POR: variants seen among roughly 807,000 people sequenced by gnomAD.
The protein encoded by POR is cytochrome p450 oxidoreductase.
In POR, 56 loss-of-function variants were observed where a neutral mutation model predicts 84.0. The ratio of observed to expected loss-of-function variants is 0.67; its 90% confidence interval spans 0.54 to 0.83. The LOEUF (loss-of-function observed/expected upper bound fraction) is 0.83. POR is among the 40% of genes least tolerant of loss of function. POR has a pLI of 0.00. For synonymous variants in POR, 414 were observed against 400.5 expected, an observed-to-expected ratio of 1.03 and a Z score of -0.40; for missense variants, 938 against 944.3, an observed-to-expected ratio of 0.99 and a Z score of 0.09.
intron 1 of POR, among the ~76,000 whole-genome samples, chr7:75,944,586 C>T (rs1218868653): frequency 1.3e-5 from 2 of 151,782 alleles, no homozygotes; most frequent in African/African-American, 2.4e-5. Context: ...CCAGAATGCC[C>T]AGAATACAAT....
intron 1 of POR, among the ~76,000 whole-genome samples, chr7:75,948,982 T>C (rs782528331): frequency 2.0e-5 from 3 of 152,006 alleles, no homozygotes; most frequent in East Asian, 1.9e-4. Flanking sequence ...TTGCAAATAA[T>C]GAGATGGCCA....
At chr7:75,940,230 C>T (rs1006040197) in intron 1 of POR, among the ~76,000 whole-genome samples, 11 of 151,822 alleles carry the variant, frequency 7.2e-5, no homozygotes, top group Admixed American at 3.3e-4. Context: ...ATTACAGGCA[C>T]GCACCACCAC....
intron 1 of POR, among the ~76,000 whole-genome samples, chr7:75,932,021 TC>T (rs1240492965): frequency 6.6e-6 from 1 of 152,178 alleles, no homozygotes; most frequent in African/African-American, 2.4e-5. Flanking sequence ...GTGGAATTGC[TC>T]CCGTCTCTTC....
chr7:75,977,517 C>T (rs904676936), intron 3 of POR, among the ~76,000 whole-genome samples: 10 of 152,194 alleles, frequency 6.6e-5, no homozygotes, highest in Admixed American at 1.3e-4. Context: ...GGCTCACGCC[C>T]GTAATCCCAG....
At chr7:75,977,271 G>T (rs1192158926) in intron 3 of POR, among the ~76,000 whole-genome samples, 1 of 152,224 alleles carries the variant, frequency 6.6e-6, no homozygotes, top group Non-Finnish European at 1.5e-5. Context: ...TACTGGAGGG[G>T]CTGAAGGAGC....
chr7:75,922,841 A>G (rs1381490157), intron 1 of POR: 70 of 552,554 alleles, frequency 1.3e-4, no homozygotes, highest in Middle Eastern at 1.1e-3. Flanking sequence ...AAAGCCACCC[A>G]GTCAAAGTAG....
intron 1 of POR, among the ~76,000 whole-genome samples, chr7:75,916,462 C>G (rs1554548075): frequency 6.7e-6 from 1 of 150,218 alleles, no homozygotes; most frequent in Non-Finnish European, 1.5e-5. Flanking sequence ...ACCAGGGAAC[C>G]CAGAAAGGTC....
chr7:75,938,400 G>A (rs1454588955), intron 1 of POR, among the ~76,000 whole-genome samples: 3 of 152,118 alleles, frequency 2.0e-5, no homozygotes, highest in African/African-American at 7.2e-5. Context: ...CTTCCCCAGG[G>A]CCAAACACCT....
Position 75,941,282 on chromosome 7 carries a change from C to T in POR, c.-4-12707C>T, listed in dbSNP as rs895664439. 3.3e-5 allele frequency among the ~76,000 whole-genome samples: 5 copies of T among 152,302 alleles called. No homozygotes were observed. In the South Asian group the frequency reaches 6.2e-4, roughly 19 times the overall value. On this transcript the variant is annotated intron_variant, in intron 1 of 15. Coordinates refer to ENST00000461988, the MANE Select transcript of POR (RefSeq NM_000941.3). ...GCCCTAAGTATGTTGTACAATGACA[C>T]GATGGCCGAGTAGTCTACAAAAGGA...
At chr7:75,944,915 A>G (rs576600133) in intron 1 of POR, among the ~76,000 whole-genome samples, 30 of 152,294 alleles carry the variant, frequency 2.0e-4, no homozygotes, top group African/African-American at 7.0e-4. Flanking sequence ...TTGTGGGACT[A>G]ATAACAAAAG....
chr7:75,974,329 A>G (rs1265247129), intron 3 of POR, among the ~76,000 whole-genome samples: 3 of 152,092 alleles, frequency 2.0e-5, no homozygotes, highest in African/African-American at 7.2e-5. Flanking sequence ...CACGCGCTCA[A>G]GAATAGCGAC....
intron 1 of POR, among the ~76,000 whole-genome samples, chr7:75,936,784 A>C (rs1554550864): frequency 6.6e-6 from 1 of 151,776 alleles, no homozygotes; most frequent in Non-Finnish European, 1.5e-5. Context: ...TGAGAAAAGT[A>C]AAGCAAGACC....
intron 1 of POR, among the ~76,000 whole-genome samples, chr7:75,916,520 C>T (rs1378915638): frequency 6.6e-6 from 1 of 152,040 alleles, no homozygotes; most frequent in Admixed American, 6.6e-5. Context: ...TTCTTATTTT[C>T]CTTTTAAGAG....
chr7:75,977,492 G>A (rs938306348), intron 3 of POR, among the ~76,000 whole-genome samples: 6 of 152,174 alleles, frequency 3.9e-5, no homozygotes, highest in Non-Finnish European at 2.9e-5. Flanking sequence ...AATACCTCAG[G>A]TGGCTGGGTG....
At chr7:75,984,687 C>A in intron 10 of POR, 90 bp from the exon 11 acceptor site, 1 of 1,154,052 alleles carries the variant, frequency 8.7e-7, no homozygotes, top group Non-Finnish European at 1.3e-6. Context: ...TGCCGCAGAG[C>A]TGGCCCAAGG....
chr7:75,940,015 T>G (rs1449341059), intron 1 of POR, among the ~76,000 whole-genome samples: 1 of 152,058 alleles, frequency 6.6e-6, no homozygotes, highest in Non-Finnish European at 1.5e-5. Context: ...ATCTCCTGCC[T>G]TACCTCCCAA....
At chr7:75,956,729 G>GTTT (rs200737243) in intron 2 of POR, among the ~76,000 whole-genome samples, 1 of 146,976 alleles carries the variant, frequency 6.8e-6, no homozygotes, top group Non-Finnish European at 1.5e-5. Flanking sequence ...TTGCAACATA[G>GTTT]TTTTTTTTTT....
chr7:75,984,715 G>A (rs946486706), intron 10 of POR, 62 bp from the exon 11 acceptor site: 33 of 1,489,892 alleles, frequency 2.2e-5, no homozygotes, highest in African/African-American at 2.7e-5. Flanking sequence ...CCCTCCTGCC[G>A]CAGCCACCCA....
At chr7:75,954,261 C>A in intron 2 of POR, 81 bp downstream of exon 2, 1 of 1,400,888 alleles carries the variant, frequency 7.1e-7, no homozygotes, top group Non-Finnish European at 9.8e-7. Context: ...GGGCCTCAGG[C>A]TGAAAGAAGC....
Sources: allele counts gnomAD v4.1 joint callset (sites outside exome capture counted in the v4.1 genomes callset), GRCh38; gene constraint gnomAD v4.1.1; transcripts MANE v1.5; gene names NCBI Gene and HGNC (gene_info 2026-07-23, HGNC 2026-07-21).